Variants in LTBP1 observed in about 807,000 individuals in gnomAD.
LTBP1 encodes latent-transforming growth factor beta-binding protein 1.
LTBP1 carries 129 observed loss-of-function variants against 207.6 expected under a neutral mutation model. That is an observed-to-expected ratio of 0.62 (90% CI 0.54 to 0.72). LTBP1 has a LOEUF of 0.72. LTBP1 is among the 30% of genes least tolerant of loss of function. The probability of loss-of-function intolerance (pLI) is 0.00; values close to 1 mark genes in which losing one functional copy is unlikely to be tolerated. For synonymous variants in LTBP1, 963 were observed against 833.7 expected (o/e 1.16, Z -2.67); for missense variants, 2,281 against 2,217.2 (o/e 1.03, Z -0.58).
chr2:32,978,306 A>G (rs1682148785), intron 2 of LTBP1, among the ~76,000 whole-genome samples: 1 of 152,090 alleles, frequency 6.6e-6, no homozygotes, highest in Admixed American at 6.5e-5. Flanking sequence ...TCTTTTCCCC[A>G]TTCATCATGA....
chr2:33,043,766 T>A (rs2076308884), intron 3 of LTBP1, among the ~76,000 whole-genome samples: 1 of 152,168 alleles, frequency 6.6e-6, no homozygotes, highest in South Asian at 2.1e-4. Flanking sequence ...TGAAATAACA[T>A]TTTGGGAAAT....
At chr2:33,118,295 A>G (rs911738395) in intron 4 of LTBP1, among the ~76,000 whole-genome samples, 2 of 152,198 alleles carry the variant, frequency 1.3e-5, no homozygotes, top group Admixed American at 1.3e-4. Flanking sequence ...ACCAGCCATG[A>G]ATGACCTTAC....
intron 21 of LTBP1, among the ~76,000 whole-genome samples, 198 bp from the exon 22 acceptor site, chr2:33,301,324 T>C (rs113851560): frequency 1.3e-5 from 2 of 152,328 alleles, no homozygotes; most frequent in African/African-American, 4.8e-5. Flanking sequence ...ATAAACAATA[T>C]CCACGTCTTC....
rs2080244698 is a variant in LTBP1 at position 33,109,205 on chromosome 2, A to G, written c.864-1377A>G. Among the ~76,000 whole-genome samples the G allele has an allele frequency of 2.0e-5, 3 of 152,240 alleles. No individual in the cohort carries two copies. In the South Asian group the frequency reaches 6.2e-4, roughly 31 times the overall value. On this transcript the variant is annotated intron_variant, in intron 3 of 33. Transcript: ENST00000404816. ...TGAATCTGATAGAGTGAGACTATTC[A>G]AGTTTCTTTTACTGCTTTTGATATG...
In LTBP1 at chr2:33,389,044, T is replaced by C. The variant is rs574235537; in HGVS notation, c.4712-140T>C. The C allele has an allele frequency of 7.2e-5, 85 of 1,183,372 alleles. No homozygotes were observed. The African/African-American group carries it at 1.2e-3, about 17-fold the overall frequency. 73.3% of individuals were successfully genotyped at this position (1,183,372 alleles called of 1,614,324 possible). ...CCCATCAAAAGATATTCAGACACTT[T>C]CCAGGCTCAGTGGTACGCAGGAGAT... On this transcript the variant is annotated intron_variant, in intron 31 of 33. Transcript: ENST00000404816.
chr2:33,356,624 T>C (rs1386853807), intron 26 of LTBP1, among the ~76,000 whole-genome samples: 1 of 152,182 alleles, frequency 6.6e-6, no homozygotes, highest in African/African-American at 2.4e-5. Flanking sequence ...CACTCCAGCC[T>C]GGGCAACAGA....
At chr2:33,124,315 C>T (rs1339126675) in intron 4 of LTBP1, among the ~76,000 whole-genome samples, 1 of 152,050 alleles carries the variant, frequency 6.6e-6, no homozygotes, top group African/African-American at 2.4e-5. Flanking sequence ...GAGGCTGAGG[C>T]AGGAGAATCA....
intron 2 of LTBP1, among the ~76,000 whole-genome samples, chr2:32,977,652 C>T (rs1165265183): frequency 6.6e-6 from 1 of 152,216 alleles, no homozygotes; most frequent in Non-Finnish European, 1.5e-5. Context: ...TAGAAGGATT[C>T]TCCCATTCCC....
intron 2 of LTBP1, among the ~76,000 whole-genome samples, chr2:32,964,260 A>G (rs147272063): frequency 6.6e-6 from 1 of 152,194 alleles, no homozygotes; most frequent in Admixed American, 6.5e-5. Flanking sequence ...TTAGGAAAGG[A>G]ATTGCCTATT....
At chr2:33,319,519 A>G (rs752927158) in intron 24 of LTBP1, among the ~76,000 whole-genome samples, 1 of 152,204 alleles carries the variant, frequency 6.6e-6, no homozygotes, top group Middle Eastern at 3.4e-3. Flanking sequence ...TCAGATTCCT[A>G]GGGGTCACCA....
chr2:33,354,510 A>G (rs1205767659), intron 26 of LTBP1, among the ~76,000 whole-genome samples: 1 of 152,168 alleles, frequency 6.6e-6, no homozygotes, highest in Admixed American at 6.5e-5. Context: ...GTTTCTTCCC[A>G]CATCCAGCGA....
In LTBP1 at chr2:33,273,880, T is replaced by C. The variant is rs939995926; in HGVS notation, c.2743+99T>C. 2.4e-5 allele frequency: 27 copies of C among 1,122,122 alleles called. No individual in the cohort carries two copies. In the African/African-American group the frequency reaches 4.4e-4, roughly 18 times the overall value. The allele number at this position is 1,122,122 out of a possible 1,614,324, so 69.5% of individuals were successfully genotyped here. A position where few individuals can be genotyped will look rare whatever the true frequency, so the allele number is the denominator to read the frequency against. ...CAACTTAACCATTTTGGGAAAGTGT[T>C]ACTGGTTTAATTTTTTGAAAGTTTA... On this transcript the variant is annotated intron_variant, in intron 16 of 33. Coordinates refer to ENST00000404816, the MANE Select transcript of LTBP1 (RefSeq NM_206943.4).
intron 3 of LTBP1, chr2:33,063,029 A>T (rs953067094): frequency 2.6e-5 from 4 of 152,232 alleles, no homozygotes; most frequent in African/African-American, 9.6e-5. Flanking sequence ...GGTAACTGAA[A>T]CAGCAGAAAG....
intron 19 of LTBP1, among the ~76,000 whole-genome samples, chr2:33,289,166 T>A (rs2093725983): frequency 6.6e-6 from 1 of 152,154 alleles, no homozygotes; most frequent in Non-Finnish European, 1.5e-5. Flanking sequence ...ATGAGAAGGA[T>A]CAATTTGGAT....
chr2:33,274,864 T>G, intron 16 of LTBP1, 101 bp from the exon 17 acceptor site: 5 of 1,127,094 alleles, frequency 4.4e-6, no homozygotes, highest in Non-Finnish European at 6.5e-6. Context: ...TTATAAAGGT[T>G]GGGTGGTACC....
At chr2:33,153,491 T>C (rs2083705335) in intron 5 of LTBP1, among the ~76,000 whole-genome samples, 1 of 152,146 alleles carries the variant, frequency 6.6e-6, no homozygotes, top group South Asian at 2.1e-4. Flanking sequence ...AAAACTGAAA[T>C]GAGAGCCTGC....
intron 9 of LTBP1, among the ~76,000 whole-genome samples, chr2:33,236,024 C>T (rs1436251804): frequency 6.6e-6 from 1 of 152,098 alleles, no homozygotes; most frequent in Non-Finnish European, 1.5e-5. Flanking sequence ...GCACATTCTG[C>T]ACGTGTATCC....
chr2:33,060,232 G>A (rs1249415397), intron 3 of LTBP1, among the ~76,000 whole-genome samples: 1 of 152,140 alleles, frequency 6.6e-6, no homozygotes, highest in Admixed American at 6.5e-5. Context: ...CCAAAATTGT[G>A]TTAGAAGTGG....
At chr2:32,961,111 A>C (rs1038836788) in intron 2 of LTBP1, among the ~76,000 whole-genome samples, 1 of 152,202 alleles carries the variant, frequency 6.6e-6, no homozygotes, top group African/African-American at 2.4e-5. Context: ...TCATTAGATC[A>C]CTTTGATTGC....
Sources: gnomAD v4.1 joint callset for allele counts (sites outside exome capture counted in the v4.1 genomes callset) on GRCh38, gnomAD v4.1.1 for gene constraint, MANE v1.5 for transcripts, NCBI Gene and HGNC (gene_info 2026-07-23, HGNC 2026-07-21) for gene names.